Variants in BABAM2 observed in about 807,000 individuals in gnomAD.
BABAM2 encodes the protein BRISC and BRCA1-A complex member 2.
Under a neutral mutation model 54.7 loss-of-function variants are expected in BABAM2, and 31 were observed. The ratio of observed to expected loss-of-function variants is 0.57; its 90% CI spans 0.43 to 0.77. The LOEUF (loss-of-function observed/expected upper bound fraction) is 0.77, where lower values mean the gene tolerates loss of function less well. Ranked by LOEUF, BABAM2 falls within the 30% of genes least tolerant of loss-of-function variation. The probability of loss-of-function intolerance (pLI) is 0.00; values close to 1 mark genes in which losing one functional copy is unlikely to be tolerated. For missense variants in BABAM2, 364 were observed against 455.8 expected (o/e 0.80, Z 1.83); for synonymous variants, 167 against 162.9 (o/e 1.03, Z -0.19).
chr2:28,266,420 C>G (rs2148148426), intron 10 of BABAM2, among the ~76,000 whole-genome samples: 1 of 152,350 alleles, frequency 6.6e-6, no homozygotes, highest in South Asian at 2.1e-4. Context: ...TGAGTTAATT[C>G]AAAGGCTCAG....
intron 7 of BABAM2, among the ~76,000 whole-genome samples, chr2:28,216,308 A>G (rs946196374): frequency 3.9e-5 from 6 of 152,160 alleles, no homozygotes; most frequent in Non-Finnish European, 7.3e-5. Context: ...TATTATTTCT[A>G]GAGGAAAATG....
At chr2:28,032,925 AT>A (rs1676403029) in intron 5 of BABAM2, among the ~76,000 whole-genome samples, 1 of 152,206 alleles carries the variant, frequency 6.6e-6, no homozygotes, top group Non-Finnish European at 1.5e-5. Flanking sequence ...CTATAAAAAA[AT>A]ACAGAAACCA....
Position 27,984,101 on chromosome 2 carries a change from A to T in BABAM2, c.206-3892A>T, listed in dbSNP as rs73923959. Among the ~76,000 whole-genome samples the T allele has an allele frequency of 2.7e-3, 406 of 151,946 alleles. 3 individuals are homozygous for T. The highest frequency in any genetic ancestry group is 9.4e-3 in the African/African-American group (388 of 41,486). Reference sequence around the variant, plus strand: ...GCAGTGTTCCTTTGTGAACTTGAAAATGCAGCCATTCTTCTATAGCAGCAA... The same window carrying T: ...GCAGTGTTCCTTTGTGAACTTGAAATTGCAGCCATTCTTCTATAGCAGCAA... On this transcript the variant is annotated intron_variant, in intron 3 of 11. Coordinates refer to ENST00000379624, the MANE Select transcript of BABAM2 (RefSeq NM_199191.3).
chr2:27,894,461 C>T (rs1665124382), intron 1 of BABAM2, 72 bp from the exon 2 acceptor site: 3 of 1,428,408 alleles, frequency 2.1e-6, no homozygotes, highest in Admixed American at 1.8e-5. Flanking sequence ...GTATGCTGTC[C>T]AGTTTTCAGG....
intron 6 of BABAM2, among the ~76,000 whole-genome samples, chr2:28,099,136 A>C (rs1666856864): frequency 6.6e-6 from 1 of 152,222 alleles, no homozygotes; most frequent in African/African-American, 2.4e-5. Context: ...CAAAGTAATA[A>C]ATTGACTTCT....
chr2:27,941,972 C>G (rs1321894399), intron 3 of BABAM2, among the ~76,000 whole-genome samples: 2 of 152,156 alleles, frequency 1.3e-5, no homozygotes, highest in Non-Finnish European at 2.9e-5. Flanking sequence ...TTTAATGAAT[C>G]TACCTGAAAT....
At chr2:28,253,342 C>CA in intron 10 of BABAM2, among the ~76,000 whole-genome samples, 1 of 150,466 alleles carries the variant, frequency 6.6e-6, no homozygotes, top group South Asian at 2.1e-4. Flanking sequence ...GTGGAGGTTG[C>CA]AGTGAGCCAA....
intron 6 of BABAM2, among the ~76,000 whole-genome samples, chr2:28,058,088 A>C (rs1026939270): frequency 1.3e-5 from 2 of 151,936 alleles, no homozygotes; most frequent in South Asian, 4.2e-4. Context: ...AGCTTGCAGT[A>C]AGCCAAGATC....
chr2:28,160,168 G>A (rs1009190154), intron 7 of BABAM2, among the ~76,000 whole-genome samples: 1 of 152,092 alleles, frequency 6.6e-6, no homozygotes, highest in East Asian at 1.9e-4. Flanking sequence ...TTTTTGTAGA[G>A]TTGGGGCCTC....
upstream of BABAM2, among the ~76,000 whole-genome samples, chr2:27,889,332 A>G (rs529405646): frequency 2.6e-4 from 40 of 152,328 alleles, no homozygotes; most frequent in Non-Finnish European, 4.1e-4. Flanking sequence ...GAAAAGCAAC[A>G]TTTCAGGACG....
At chr2:28,132,427 C>T (rs1381320128) in intron 7 of BABAM2, among the ~76,000 whole-genome samples, 2 of 152,104 alleles carry the variant, frequency 1.3e-5, no homozygotes, top group South Asian at 2.1e-4. Context: ...CGTGAGCCAC[C>T]ACGCCTGGCC....
chr2:27,930,425 C>G (rs1006740675), intron 3 of BABAM2: 2 of 154,194 alleles, frequency 1.3e-5, no homozygotes, highest in African/African-American at 4.8e-5. Context: ...ATCAGAGATA[C>G]AAACGGTCTA....
At chr2:28,234,912 C>G (rs1274083901) in intron 7 of BABAM2, among the ~76,000 whole-genome samples, 1 of 152,228 alleles carries the variant, frequency 6.6e-6, no homozygotes, top group African/African-American at 2.4e-5. Flanking sequence ...TAGGCTAAAT[C>G]TAATCCAATG....
rs370446487 is a variant in BABAM2 at position 28,186,576 on chromosome 2, G to A, written c.681-50626G>A. On this transcript the variant is annotated intron_variant, in intron 7 of 11. Coordinates refer to ENST00000379624, the MANE Select transcript of BABAM2 (RefSeq NM_199191.3). ...AGCCCAGGAGTTCAGGCAACAAAGC[G>A]AGACCCTGTCTCAAAAAAGACACAG... 1.8e-4 allele frequency among the ~76,000 whole-genome samples: 27 copies of A among 152,060 alleles called. No homozygotes were observed. In the East Asian group the frequency reaches 2.5e-3, roughly 14 times the overall value.
chr2:28,095,317 C>G (rs1666516903), intron 6 of BABAM2, among the ~76,000 whole-genome samples: 1 of 152,170 alleles, frequency 6.6e-6, no homozygotes, highest in African/African-American at 2.4e-5. Flanking sequence ...TATACCTTCC[C>G]TGGCAGAGCC....
intron 7 of BABAM2, chr2:28,134,704 G>C (rs1364620135): frequency 1.3e-5 from 2 of 152,248 alleles, no homozygotes; most frequent in Non-Finnish European, 2.9e-5. Context: ...ATTGAGGCCT[G>C]TGTACCTGCA....
intron 11 of BABAM2, among the ~76,000 whole-genome samples, chr2:28,320,453 G>T (rs1689935799): frequency 6.6e-6 from 1 of 152,244 alleles, no homozygotes; most frequent in Admixed American, 6.5e-5. Flanking sequence ...GAAGGGCAGT[G>T]GGAGCCCAGT....
chr2:27,922,832 T>C (rs1372225377), intron 2 of BABAM2, among the ~76,000 whole-genome samples: 1 of 152,190 alleles, frequency 6.6e-6, no homozygotes, highest in Non-Finnish European at 1.5e-5. Flanking sequence ...TTAAAAATAA[T>C]TTTTAAATTA....
intron 7 of BABAM2, among the ~76,000 whole-genome samples, chr2:28,169,654 G>C (rs560810438): frequency 6.6e-6 from 1 of 151,750 alleles, no homozygotes; most frequent in South Asian, 2.1e-4. Context: ...GTAGTAGGGC[G>C]TGCCTGTAGT....
Sources: gnomAD v4.1 joint callset for allele counts (sites outside exome capture counted in the v4.1 genomes callset) on GRCh38, gnomAD v4.1.1 for gene constraint, MANE v1.5 for transcripts, NCBI Gene and HGNC (gene_info 2026-07-23, HGNC 2026-07-21) for gene names.